CHODL: variants seen among roughly 807,000 people sequenced by gnomAD.
The protein encoded by CHODL is chondrolectin, also known as transmembrane protein MT75.
CHODL carries 29 observed loss-of-function variants against 34.5 expected under a neutral mutation model. The observed-to-expected ratio is 0.84, with a 90% CI of 0.63 to 1.15. The LOEUF is 1.15. Ranked by LOEUF, CHODL falls within the 50% of genes most tolerant of loss-of-function variation. CHODL has a pLI of 0.00. For missense variants in CHODL, 332 were observed against 332.5 expected, an observed-to-expected ratio of 1.00 and a Z score of 0.01; for synonymous variants, 125 against 116.1, an observed-to-expected ratio of 1.08 and a Z score of -0.49.
At chr21:18,032,510 A>G (rs537187000) in intron 2 of CHODL, among the ~76,000 whole-genome samples, 18 of 152,084 alleles carry the variant, frequency 1.2e-4, no homozygotes, top group African/African-American at 4.1e-4. Flanking sequence ...ATTCGGGGGA[A>G]TTGATTCCTA....
At chr21:17,993,046 A>C (rs765759325) in intron 1 of CHODL, among the ~76,000 whole-genome samples, 1 of 151,856 alleles carries the variant, frequency 6.6e-6, no homozygotes, top group Non-Finnish European at 1.5e-5. Context: ...ATTTCCTTCC[A>C]TTTCCTCGTC....
chr21:18,186,410 T>A (rs915536087), intron 2 of CHODL, among the ~76,000 whole-genome samples: 7 of 146,132 alleles, frequency 4.8e-5, no homozygotes, highest in Admixed American at 1.4e-4. Flanking sequence ...AAAAAAAAAT[T>A]AAAAAAAAAA....
chr21:17,993,129 G>C (rs2063814306), intron 1 of CHODL, among the ~76,000 whole-genome samples: 1 of 152,064 alleles, frequency 6.6e-6, no homozygotes. Flanking sequence ...CCAGTTCTTA[G>C]TATTTTCATT....
At chr21:17,959,579 C>A (rs970607529) in intron 1 of CHODL, among the ~76,000 whole-genome samples, 1 of 152,056 alleles carries the variant, frequency 6.6e-6, no homozygotes, top group Non-Finnish European at 1.5e-5. Flanking sequence ...GGGCAGAGAG[C>A]GCTCATAGGC....
At chr21:17,946,217 A>G (rs1197062686) in intron 1 of CHODL, among the ~76,000 whole-genome samples, 1 of 152,212 alleles carries the variant, frequency 6.6e-6, no homozygotes, top group Non-Finnish European at 1.5e-5. Flanking sequence ...GGAGATTGAG[A>G]CCATCCTGGC....
At chr21:18,013,570 G>A (rs2064039462) in intron 1 of CHODL, among the ~76,000 whole-genome samples, 1 of 148,516 alleles carries the variant, frequency 6.7e-6, no homozygotes, top group Non-Finnish European at 1.5e-5. Flanking sequence ...TTTCTTTATT[G>A]TGTACCCAAG....
intron 1 of CHODL, among the ~76,000 whole-genome samples, chr21:17,964,219 G>A (rs1294666959): frequency 6.6e-6 from 1 of 152,012 alleles, no homozygotes; most frequent in African/African-American, 2.4e-5. Context: ...ATCGATACAT[G>A]TGTTTCATAT....
intron 1 of CHODL, among the ~76,000 whole-genome samples, chr21:17,978,333 A>T (rs1377989429): frequency 1.3e-5 from 2 of 149,688 alleles, no homozygotes; most frequent in African/African-American, 4.9e-5. Flanking sequence ...GAGGCAGGAG[A>T]ATGGTGTGAA....
At chr21:17,935,251 A>G (rs1482549417) in intron 1 of CHODL, among the ~76,000 whole-genome samples, 3 of 152,222 alleles carry the variant, frequency 2.0e-5, no homozygotes, top group Non-Finnish European at 4.4e-5. Context: ...TCATTAAAAT[A>G]GCTATATGAT....
intron 3 of CHODL, 87 bp downstream of exon 3, chr21:18,257,214 C>G: frequency 1.6e-6 from 2 of 1,267,096 alleles, no homozygotes; most frequent in Non-Finnish European, 2.2e-6. Context: ...ACCTGTGGCT[C>G]TTTTTGTTTT....
At chr21:18,032,539 C>T (rs1019303727) in intron 2 of CHODL, among the ~76,000 whole-genome samples, 3 of 151,974 alleles carry the variant, frequency 2.0e-5, no homozygotes, top group Admixed American at 2.0e-4. Context: ...TCATTTATCT[C>T]TCCAATATGA....
At chr21:17,985,883 T>TACC (rs139086028) in intron 1 of CHODL, among the ~76,000 whole-genome samples, 207 of 152,284 alleles carry the variant, frequency 1.4e-3, no homozygotes, top group African/African-American at 4.8e-3. Flanking sequence ...AAGATCAAGG[T>TACC]ACCAGCAGAT....
chr21:18,194,849 C>T (rs2073563691), intron 2 of CHODL, among the ~76,000 whole-genome samples: 1 of 151,608 alleles, frequency 6.6e-6, no homozygotes, highest in African/African-American at 2.4e-5. Context: ...AAAAATTGCA[C>T]TTATTTGTTG....
At chr21:18,148,433 G>A (rs1373043712) in intron 2 of CHODL, among the ~76,000 whole-genome samples, 1 of 151,234 alleles carries the variant, frequency 6.6e-6, no homozygotes, top group African/African-American at 2.4e-5. Context: ...TTTTAAGATT[G>A]AAGAGAAATG....
At chr21:18,006,193 C>T (rs997541701) in intron 1 of CHODL, among the ~76,000 whole-genome samples, 1 of 152,092 alleles carries the variant, frequency 6.6e-6, no homozygotes, top group Non-Finnish European at 1.5e-5. Flanking sequence ...ACACCTCTTT[C>T]CTTTGTAAAT....
chr21:18,057,951 ATATT>A (rs1314894469), intron 2 of CHODL, among the ~76,000 whole-genome samples: 3 of 152,088 alleles, frequency 2.0e-5, no homozygotes, highest in East Asian at 1.9e-4. Context: ...ATCACCTCAA[ATATT>A]TATTATTTCA....
chr21:18,047,054 G>T (rs1278793645), intron 2 of CHODL, among the ~76,000 whole-genome samples: 1 of 151,900 alleles, frequency 6.6e-6, no homozygotes, highest in African/African-American at 2.4e-5. Flanking sequence ...CTGGTGATTT[G>T]CAAATATTAA....
chr21:17,923,778 CA>C (rs1161585905), intron 1 of CHODL, among the ~76,000 whole-genome samples: 1 of 152,134 alleles, frequency 6.6e-6, no homozygotes, highest in Non-Finnish European at 1.5e-5. Context: ...CAGTTTTATA[CA>C]AGTCCCAAAG....
chr21:18,240,533 A>G (rs1371749155), upstream of CHODL, among the ~76,000 whole-genome samples: 1 of 152,172 alleles, frequency 6.6e-6, no homozygotes. Context: ...TATGTATCTA[A>G]TAACTCAGAT....
Sources: allele counts gnomAD v4.1 joint callset (sites outside exome capture counted in the v4.1 genomes callset), GRCh38; gene constraint gnomAD v4.1.1; transcripts MANE v1.5; gene names NCBI Gene and HGNC (gene_info 2026-07-23, HGNC 2026-07-21).